The following SDR42E1 variants were observed in gnomAD, a reference collection of about 807,000 sequenced individuals.
SDR42E1 encodes short chain dehydrogenase/reductase family 42E, member 1.
In SDR42E1, 5 loss-of-function variants were observed where a neutral mutation model predicts 2.6. The ratio of observed to expected loss-of-function variants is 1.94; its 90% CI spans 1.01 to 4.08. The LOEUF is 4.08. Ranked by LOEUF, SDR42E1 falls within the 30% of genes most tolerant of loss-of-function variation. The pLI, the probability that SDR42E1 is intolerant of heterozygous loss-of-function variation, is 0.00. For synonymous variants in SDR42E1, 231 were observed against 188.3 expected, an observed-to-expected ratio of 1.23 and a Z score of -1.86; for missense variants, 596 against 478.6, an observed-to-expected ratio of 1.25 and a Z score of -2.29.
In SDR42E1 at chr16:81,993,071, T is replaced by G. The variant is rs1321455961; in HGVS notation, c.*6040A>C. The G allele has an allele frequency of 6.6e-6, 1 of 152,168 alleles. No individual in the cohort carries two copies. Among genetic ancestry groups the G allele is most frequent in the Non-Finnish European group, 1.5e-5 (1 of 68,032 alleles). The allele number at this position is 152,168 out of a possible 1,614,324, so 9.4% of individuals were successfully genotyped here. A position where few individuals can be genotyped will look rare whatever the true frequency, so the allele number is the denominator to read the frequency against. ...GGCTGGAAAAGTCAGCACTGGGACGTAGCAGTGCTTGTCTGTGTCAACAAA... is the reference window on the plus strand; with the variant it reads ...GGCTGGAAAAGTCAGCACTGGGACGGAGCAGTGCTTGTCTGTGTCAACAAA... On this transcript the variant is annotated 3_prime_UTR_variant, in exon 3 of 3. Transcript: ENST00000328945.
Position 82,004,153 on chromosome 16 carries a change from GCTA to G in SDR42E1, c.-26-3272_-26-3270del, listed in dbSNP as rs140373817. On this transcript the variant is annotated intron_variant, in intron 1 of 2. Coordinates refer to ENST00000328945, the MANE Select transcript of SDR42E1 (RefSeq NM_145168.3). ...AAAAGGCAAAAAAGATGAAAATAAC[GCTA>G]CTGTTATAATGTTGGTATAAACAAA... is the stretch of plus-strand genomic sequence containing the variant. Among the ~76,000 whole-genome samples the G allele has an allele frequency of 3.7e-3, 560 of 152,244 alleles. 2 individuals are homozygous for G. The highest frequency in any genetic ancestry group is 0.013 in the African/African-American group (527 of 41,538).
chr16:81,995,312 G>C lies in SDR42E1; in HGVS notation c.*3799C>G, dbSNP rs1476037985. 6.6e-6 allele frequency: 1 copy of C among 152,326 alleles called. No homozygotes were observed. The highest frequency in any genetic ancestry group is 2.4e-5 in the African/African-American group (1 of 41,452). 9.4% of individuals were successfully genotyped at this position (152,326 alleles called of 1,614,324 possible). ...TAATTTTATTGTTAGGCAGGGTTGA[G>C]TGATTCAATCTAAGGTTGAGGCAAG... On this transcript the variant is annotated 3_prime_UTR_variant, in exon 3 of 3. Transcript: ENST00000328945.
Position 82,001,901 on chromosome 16 carries a change from CAA to C in SDR42E1, c.-26-1019_-26-1018del, listed in dbSNP as rs60540378. ...TGGGCGACAGAGCAAGACTCCATCT[CAA>C]AAAAAAAAAAAAAAAACCACAGGAA... On this transcript the variant is annotated intron_variant, in intron 1 of 2. Transcript: ENST00000328945. Among the ~76,000 whole-genome samples the C allele has an allele frequency of 1.1e-3, 73 of 67,682 alleles. 1 individual carries two copies. The highest frequency in any genetic ancestry group is 1.7e-3 in the African/African-American group (38 of 21,788). The allele number at this position is 67,682 out of a possible 152,430, so 44.4% of individuals were successfully genotyped here.
At chr16:82,000,275 T>C in intron 2 of SDR42E1, 51 bp from the exon 3 acceptor site, 1 of 1,595,712 alleles carries the variant, frequency 6.3e-7, no homozygotes, top group Non-Finnish European at 8.5e-7. Flanking sequence ...AAGCTGTGCC[T>C]AGGGGAAGTG....
In SDR42E1 at chr16:81,993,264, T is replaced by C. The variant is rs1315566687; in HGVS notation, c.*5847A>G. ...CAGAAGTCAGGAGCCTCTCAGCATCTTGCAAGGGAGCCAGTGTTTAGTATC... is the reference window on the plus strand; with the variant it reads ...CAGAAGTCAGGAGCCTCTCAGCATCCTGCAAGGGAGCCAGTGTTTAGTATC... On this transcript the variant is annotated 3_prime_UTR_variant, in exon 3 of 3. Coordinates refer to ENST00000328945, the MANE Select transcript of SDR42E1 (RefSeq NM_145168.3). 2.0e-5 allele frequency: 3 copies of C among 152,120 alleles called. No individual in the cohort carries two copies. Among genetic ancestry groups the C allele is most frequent in the Non-Finnish European group, 4.4e-5 (3 of 68,036 alleles). 9.4% of individuals were successfully genotyped at this position (152,120 alleles called of 1,614,324 possible).
intron 1 of SDR42E1, 115 bp from the exon 2 acceptor site, chr16:82,000,999 G>T: frequency 1.6e-6 from 1 of 637,332 alleles, no homozygotes. Flanking sequence ...AAAAGGTGAG[G>T]TCTGGGTCTG....
At chr16:82,008,797 C>A (rs547806647) in intron 1 of SDR42E1, among the ~76,000 whole-genome samples, 1 of 152,182 alleles carries the variant, frequency 6.6e-6, no homozygotes, top group African/African-American at 2.4e-5. Context: ...GAGCCAAATG[C>A]TAATCATCAA....
At position 81,992,966 on chromosome 16, in the gene SDR42E1, A is replaced by G. The variant is rs1380503326; in HGVS notation, c.*6145T>C. 1.3e-5 allele frequency: 2 copies of G among 152,160 alleles called. No homozygotes were observed. The highest frequency in any genetic ancestry group is 4.8e-5 in the African/African-American group (2 of 41,442). 9.4% of individuals were successfully genotyped at this position (152,160 alleles called of 1,614,324 possible). A position where few individuals can be genotyped will look rare whatever the true frequency, so the allele number is the denominator to read the frequency against. ...TTTCAATAGCAAAAGGCTGTTTTAC[A>G]CTAAAAGATCAGGTAACCAGGCACA... is the stretch of plus-strand genomic sequence containing the variant. On this transcript the variant is annotated 3_prime_UTR_variant, in exon 3 of 3. Transcript: ENST00000328945.
chr16:82,007,261 T>C (rs1427473352), intron 1 of SDR42E1, among the ~76,000 whole-genome samples: 4 of 152,248 alleles, frequency 2.6e-5, no homozygotes, highest in Non-Finnish European at 4.4e-5. Flanking sequence ...ACTACACTTG[T>C]ACTTTCTTCT....
At chr16:82,005,795 G>T (rs9941115) in intron 1 of SDR42E1, among the ~76,000 whole-genome samples, 8,028 of 152,074 alleles carry the variant, frequency 0.053, 688 homozygotes, top group African/African-American at 0.18. Flanking sequence ...CATTTTAGTG[G>T]ATACAGGTTA....
chr16:82,011,009 T>A (rs1234497154), intron 1 of SDR42E1, among the ~76,000 whole-genome samples: 2 of 152,176 alleles, frequency 1.3e-5, no homozygotes, highest in African/African-American at 4.8e-5. Flanking sequence ...CACTGCCACT[T>A]TTAAGTGGCA....
chr16:82,005,294 A>C (rs1427656561), intron 1 of SDR42E1, among the ~76,000 whole-genome samples: 1 of 152,210 alleles, frequency 6.6e-6, no homozygotes, highest in African/African-American at 2.4e-5. Context: ...TAGTTTCAGA[A>C]TGATCTGAGG....
At position 81,999,068 on chromosome 16, in the gene SDR42E1, A is replaced by G. The variant is rs1912630831; in HGVS notation, c.*43T>C. On this transcript the variant is annotated 3_prime_UTR_variant, in exon 3 of 3. Transcript: ENST00000328945. ...ATTTTAAAACCCATGTTTCTTGAGA[A>G]CCATCTCAGCCAACTGTGATCACCT... The G allele has an allele frequency of 3.8e-6, 6 of 1,571,336 alleles. No individual in the cohort carries two copies. Among genetic ancestry groups the G allele is most frequent in the Non-Finnish European group, 5.2e-6 (6 of 1,162,356 alleles).
rs1229256837 is a variant in SDR42E1 at position 81,994,173 on chromosome 16, T to C, written c.*4938A>G. On this transcript the variant is annotated 3_prime_UTR_variant, in exon 3 of 3. Coordinates refer to ENST00000328945, the MANE Select transcript of SDR42E1 (RefSeq NM_145168.3). ...CACGTGAGAGGACGATCTGGAATGA[T>C]GAGCGTCCCGCAGGCAGCGTTACGG... The C allele has an allele frequency of 1.3e-5, 2 of 152,198 alleles. No homozygotes were observed. Among genetic ancestry groups the C allele is most frequent in the South Asian group, 2.1e-4 (1 of 4,828 alleles). The allele number at this position is 152,198 out of a possible 1,614,324, so 9.4% of individuals were successfully genotyped here.
rs2143845429 is a variant in SDR42E1, at chr16:81,999,467, T to C, written c.826A>G (p.Thr276Ala). 1 of 1,614,128 alleles carries C rather than the reference T, an allele frequency of 6.2e-7. No homozygotes were observed. The highest frequency in any genetic ancestry group is 8.5e-7 in the Non-Finnish European group (1 of 1,180,020). Residue 276 changes from threonine (T) to alanine (A), a missense_variant, in exon 3 of 3, where the codon ACA becomes GCA. Thr to Ala is a moderately conservative substitution (Grantham distance 58, BLOSUM62 0). Transcript: ENST00000328945. The part of the protein sequence containing the change: ...FRPLVEGLGY[T>A]FPSTRLPLTL... ...AATGGCAGGCGGGTAGACGGGAATG[T>C]GTAGCCCAGGCCCTCAACCAGAGGC...
intron 1 of SDR42E1, among the ~76,000 whole-genome samples, chr16:82,006,715 A>C (rs938720217): frequency 2.0e-5 from 3 of 152,138 alleles, no homozygotes; most frequent in Admixed American, 6.5e-5. Context: ...AATTGCTTGA[A>C]CCTGGGAGAT....
chr16:82,005,361 T>C (rs1166686075), intron 1 of SDR42E1, among the ~76,000 whole-genome samples: 1 of 151,882 alleles, frequency 6.6e-6, no homozygotes, highest in Non-Finnish European at 1.5e-5. Context: ...ATAAGAAAAA[T>C]TAATAACTTA....
rs1912431663 is a variant in SDR42E1 at position 81,991,690 on chromosome 16, G to A, written c.*7421C>T. 6.9e-6 allele frequency: 1 copy of A among 144,236 alleles called. No homozygotes were observed. Among genetic ancestry groups the A allele is most frequent in the Non-Finnish European group, 1.5e-5 (1 of 67,304 alleles). The allele number at this position is 144,236 out of a possible 1,614,324, so 8.9% of individuals were successfully genotyped here. ...TGTGCCACTGTACTCTAGCCTGGGT[G>A]ACAGACGAGACTCTATCAAAAAAAA... On this transcript the variant is annotated 3_prime_UTR_variant, in exon 3 of 3. Coordinates refer to ENST00000328945, the MANE Select transcript of SDR42E1 (RefSeq NM_145168.3).
intron 1 of SDR42E1, among the ~76,000 whole-genome samples, chr16:82,008,076 C>T (rs142344763): frequency 2.0e-5 from 3 of 152,284 alleles, no homozygotes; most frequent in African/African-American, 7.2e-5. Flanking sequence ...AGTCCCACAA[C>T]ATCTGATGAT....
Sources: allele counts gnomAD v4.1 joint callset (sites outside exome capture counted in the v4.1 genomes callset), GRCh38; gene constraint gnomAD v4.1.1; transcripts MANE v1.5; gene names NCBI Gene and HGNC (gene_info 2026-07-23, HGNC 2026-07-21).